NCOR2: variants seen among roughly 807,000 people sequenced by gnomAD.
NCOR2 encodes nuclear receptor corepressor 2.
In NCOR2, 81 loss-of-function variants were observed where a neutral mutation model predicts 262.9. That is an observed-to-expected ratio of 0.31 (90% CI 0.26 to 0.37). NCOR2 has a LOEUF of 0.37. Among genes scored for constraint, NCOR2 ranks in the 10% least tolerant of loss-of-function variants. The pLI is 1.00. For synonymous variants in NCOR2, 1,659 were observed against 1,559.3 expected (o/e 1.06, Z -1.51); for missense variants, 3,385 against 3,621.4 (o/e 0.93, Z 1.68).
Position 124,566,623 on chromosome 12 carries a change from T to A in NCOR2, c.-165+685A>T, listed in dbSNP as rs1400443645. ...ATTCCAACTTCGCAAAGTAGTGGCA[T>A]CCCAAGTATCCGCACAGCCCGGGGG... On this transcript the variant is annotated intron_variant, in intron 1 of 32. Coordinates refer to the NCOR2 transcript ENST00000458234. This position sits in a 1 kb window ranked among gnomAD's most constrained non-coding sequence, Gnocchi z 4.3. 6.6e-6 allele frequency among the ~76,000 whole-genome samples: 1 copy of A among 152,134 alleles called. No individual in the cohort carries two copies.
chr12:124,513,586 G>A (rs1045332379), intron 1 of NCOR2: 1 of 152,234 alleles, frequency 6.6e-6, no homozygotes, highest in African/African-American at 2.4e-5. Context: ...TAATACTGCA[G>A]GCCTGCAGCT....
intron 45 of NCOR2, 139 bp from the exon 48 acceptor site, chr12:124,326,509 C>T (rs2034656320): frequency 2.4e-6 from 2 of 829,106 alleles, no homozygotes; most frequent in Non-Finnish European, 3.4e-6. Context: ...TGAACCCCTC[C>T]TCCCTGCTGC....
intron 12 of NCOR2, among the ~76,000 whole-genome samples, chr12:124,421,972 A>T (rs1425510634): frequency 1.3e-5 from 2 of 152,234 alleles, no homozygotes; most frequent in African/African-American, 4.8e-5. Context: ...TTGTCCAAAG[A>T]AGATGGGGAC....
intron 11 of NCOR2, among the ~76,000 whole-genome samples, chr12:124,425,784 G>A (rs2043505398): frequency 6.6e-6 from 1 of 152,130 alleles, no homozygotes; most frequent in South Asian, 2.1e-4. Context: ...TCCAGCTGGA[G>A]GAGTCTGAAC....
rs571526605 is a variant in NCOR2, at chr12:124,553,449, C to T, written c.-165+13859G>A. Among the ~76,000 whole-genome samples the T allele has an allele frequency of 2.4e-4, 36 of 152,316 alleles. No individual in the cohort carries two copies. In the South Asian group the frequency reaches 7.2e-3, roughly 31 times the overall value. ...AATCTTTAGGCCTCTAGGGAACTCC[C>T]AAGGCCCCACCCCACAGATTCTGAA... On this transcript the variant is annotated intron_variant, in intron 1 of 32. Coordinates refer to the NCOR2 transcript ENST00000458234.
chr12:124,518,293 C>T (rs1246411063), intron 1 of NCOR2: 1 of 152,398 alleles, frequency 6.6e-6, no homozygotes, highest in African/African-American at 2.4e-5. Flanking sequence ...AGGAGGCACA[C>T]CACAGCCAAC....
At chr12:124,508,369 G>A (rs2049169646) in intron 1 of NCOR2, among the ~76,000 whole-genome samples, 1 of 152,256 alleles carries the variant, frequency 6.6e-6, no homozygotes, top group Non-Finnish European at 1.5e-5. Context: ...CAGGAGCTCA[G>A]ACAGTAAACA....
intron 2 of NCOR2, 149 bp downstream of exon 4, chr12:124,486,292 G>A (rs1014759338): frequency 7.1e-6 from 9 of 1,270,954 alleles, no homozygotes; most frequent in South Asian, 1.4e-5. Context: ...CCCGAGTCAC[G>A]CCCACGCCAG....
At chr12:124,326,484 G>C (rs2034653281) in intron 45 of NCOR2, 114 bp from the exon 48 acceptor site, 2 of 1,078,074 alleles carry the variant, frequency 1.9e-6, no homozygotes. Flanking sequence ...CAAAGAGGGA[G>C]GGAGAGCAGT....
At chr12:124,402,650 TG>T in intron 13 of NCOR2, 89 bp from the exon 16 acceptor site, 2 of 1,531,742 alleles carry the variant, frequency 1.3e-6, no homozygotes, top group Non-Finnish European at 1.7e-6. Context: ...CAGCCTGAGC[TG>T]GGGGAGGAGG....
At chr12:124,486,835 A>C (rs1288253726) in intron 1 of NCOR2, among the ~76,000 whole-genome samples, 3 of 152,114 alleles carry the variant, frequency 2.0e-5, no homozygotes, top group Non-Finnish European at 2.9e-5. Flanking sequence ...GATCACGCCC[A>C]CCTTCCAAAT....
intron 20 of NCOR2, among the ~76,000 whole-genome samples, chr12:124,365,641 G>A (rs1233398668): frequency 2.6e-5 from 4 of 152,154 alleles, no homozygotes; most frequent in Non-Finnish European, 4.4e-5. Flanking sequence ...TGCCCATGGC[G>A]CACAGACGGG....
In NCOR2 at chr12:124,339,992, C is replaced by A. The variant is rs1297134420; in HGVS notation, c.5687+14G>T. On this transcript the variant is annotated intron_variant, in intron 37 of 46. Coordinates refer to ENST00000405201, the Ensembl canonical transcript of NCOR2. ...CCACCTGCCCGCCCCCTCCCCCATG[C>A]CAACCTGGCCCACCTCAGGACCGTG... The A allele has an allele frequency of 4.3e-6, 7 of 1,609,362 alleles. No homozygotes were observed. The highest frequency in any genetic ancestry group is 5.9e-6 in the Non-Finnish European group (7 of 1,179,004).
chr12:124,527,243 G>C (rs1044770413), intron 1 of NCOR2, among the ~76,000 whole-genome samples: 7 of 152,128 alleles, frequency 4.6e-5, no homozygotes, highest in Non-Finnish European at 8.8e-5. Flanking sequence ...AGCACGCCCT[G>C]TAGGGTGAGA....
chr12:124,510,837 C>T (rs963861070), intron 1 of NCOR2, among the ~76,000 whole-genome samples: 1 of 152,164 alleles, frequency 6.6e-6, no homozygotes, highest in East Asian at 1.9e-4. Context: ...ACACTGTCCA[C>T]CCCGGGCCCA....
chr12:124,406,400 C>A lies in NCOR2; in HGVS notation c.1483-3839G>T, dbSNP rs569495456. Among the ~76,000 whole-genome samples the A allele has an allele frequency of 6.6e-5, 10 of 152,268 alleles. 1 individual carries two copies. The South Asian group carries it at 2.1e-3, about 32-fold the overall frequency. ...CCTGGGACTCTGCATTTCTAACCTGCGCCAGGAGAAGCTGCCACGGCTGGC... is the reference window on the plus strand; with the variant it reads ...CCTGGGACTCTGCATTTCTAACCTGAGCCAGGAGAAGCTGCCACGGCTGGC... On this transcript the variant is annotated intron_variant, in intron 13 of 46. Coordinates refer to ENST00000405201, the Ensembl canonical transcript of NCOR2.
intron 17 of NCOR2, among the ~76,000 whole-genome samples, chr12:124,380,713 C>G (rs1004179449): frequency 6.6e-6 from 1 of 152,092 alleles, no homozygotes; most frequent in African/African-American, 2.4e-5. Flanking sequence ...CTCAGAGTCT[C>G]GCAGGGAACA....
At chr12:124,370,165 T>C (rs2039381179) in intron 20 of NCOR2, among the ~76,000 whole-genome samples, 1 of 152,130 alleles carries the variant, frequency 6.6e-6, no homozygotes, top group African/African-American at 2.4e-5. Context: ...AGCCACACCA[T>C]GAACACTGTT....
chr12:124,335,897 G>A (rs1210950908), intron 38 of NCOR2: 2 of 490,428 alleles, frequency 4.1e-6, no homozygotes, highest in Middle Eastern at 5.4e-4. Flanking sequence ...GGCAAGAAGG[G>A]ACAGAGATGG....
Sources: gnomAD v4.1 joint callset for allele counts (sites outside exome capture counted in the v4.1 genomes callset) on GRCh38, gnomAD v4.1.1 for gene constraint, Gnocchi (gnomAD v3.1) non-coding constraint, MANE v1.5 for transcripts, NCBI Gene and HGNC (gene_info 2026-07-23, HGNC 2026-07-21) for gene names.